Variants in SMURF2 observed in about 807,000 individuals in gnomAD.
The protein encoded by SMURF2 is E3 ubiquitin-protein ligase SMURF2.
SMURF2 carries 48 observed loss-of-function variants against 109.6 expected under a neutral mutation model. The ratio of observed to expected loss-of-function variants is 0.44; its 90% CI spans 0.35 to 0.56. The LOEUF is 0.56. SMURF2 is among the 20% of genes least tolerant of loss of function. The pLI, the probability that SMURF2 is intolerant of heterozygous loss-of-function variation, is 0.01. For missense variants in SMURF2, 575 were observed against 909.0 expected, an observed-to-expected ratio of 0.63 and a Z score of 4.72; for synonymous variants, 288 against 317.1, an observed-to-expected ratio of 0.91 and a Z score of 0.97.
intron 5 of SMURF2, among the ~76,000 whole-genome samples, chr17:64,588,423 TTATGA>T (rs1299945524): frequency 6.6e-6 from 1 of 151,978 alleles, no homozygotes; most frequent in Non-Finnish European, 1.5e-5. Context: ...AATTATTAAG[TTATGA>T]TATATCTATA....
chr17:64,578,393 T>G (rs1568181536), intron 9 of SMURF2, 99 bp downstream of exon 9: 1 of 778,650 alleles, frequency 1.3e-6, no homozygotes. Context: ...AACTTTTACA[T>G]AAACTATTTT....
intron 1 of SMURF2, among the ~76,000 whole-genome samples, chr17:64,652,569 C>A (rs552509547): frequency 3.9e-5 from 6 of 152,346 alleles, no homozygotes; most frequent in African/African-American, 1.4e-4. Flanking sequence ...CTCACTGCAA[C>A]CTCCACCTCC....
At chr17:64,572,572 A>G (rs1969412738) in intron 9 of SMURF2, among the ~76,000 whole-genome samples, 1 of 152,248 alleles carries the variant, frequency 6.6e-6, no homozygotes, top group Admixed American at 6.5e-5. Flanking sequence ...AAGAAAAGCT[A>G]AGATTTTTAA....
chr17:64,659,413 G>C (rs1439723877), intron 1 of SMURF2, among the ~76,000 whole-genome samples: 1 of 151,552 alleles, frequency 6.6e-6, no homozygotes, highest in South Asian at 2.1e-4. Context: ...CTTTTTTTAA[G>C]TGATTTTTTT....
chr17:64,645,412 G>A (rs1294126844), intron 1 of SMURF2, among the ~76,000 whole-genome samples: 5 of 152,172 alleles, frequency 3.3e-5, no homozygotes, highest in Non-Finnish European at 7.3e-5. Flanking sequence ...GGGGTATCAG[G>A]TACAGTGGTG....
At position 64,545,071 on chromosome 17, in the gene SMURF2, T is replaced by TC. The variant is rs1302346341; in HGVS notation, c.*776_*777insG. 6.6e-6 allele frequency: 1 copy of TC among 152,188 alleles called. No individual in the cohort carries two copies. Among genetic ancestry groups the TC allele is most frequent in the Non-Finnish European group, 1.5e-5 (1 of 68,012 alleles). The allele number at this position is 152,188 out of a possible 1,614,324, so 9.4% of individuals were successfully genotyped here. A position where few individuals can be genotyped will look rare whatever the true frequency, so the allele number is the denominator to read the frequency against. ...GACTCAAGATAAAAACATTAGGTTT[T>TC]TTTTTTTTTAAAAGAGTCTCTTAAA... On this transcript the variant is annotated 3_prime_UTR_variant, in exon 19 of 19. Coordinates refer to ENST00000262435, the MANE Select transcript of SMURF2 (RefSeq NM_022739.4).
chr17:64,590,511 C>CA (rs1458484236), intron 5 of SMURF2, among the ~76,000 whole-genome samples: 19 of 152,048 alleles, frequency 1.2e-4, no homozygotes, highest in African/African-American at 4.6e-4. Context: ...GCATCTTGAT[C>CA]AAATCTCTAT....
chr17:64,585,241 T>G (rs547948335), intron 6 of SMURF2, among the ~76,000 whole-genome samples: 1 of 152,214 alleles, frequency 6.6e-6, no homozygotes. Context: ...ATAAAAATCA[T>G]GACTTTAGAA....
intron 1 of SMURF2, among the ~76,000 whole-genome samples, chr17:64,652,484 G>A (rs571956371): frequency 1.3e-5 from 2 of 152,082 alleles, no homozygotes; most frequent in Admixed American, 1.3e-4. Context: ...ACTGTCAACT[G>A]ATTTGTTTGT....
At chr17:64,652,318 G>A (rs1163710592) in intron 1 of SMURF2, among the ~76,000 whole-genome samples, 1 of 152,066 alleles carries the variant, frequency 6.6e-6, no homozygotes, top group East Asian at 1.9e-4. Flanking sequence ...CCGCTCCAAA[G>A]CACTACAAGA....
At chr17:64,651,206 T>G (rs781799262) in intron 1 of SMURF2, among the ~76,000 whole-genome samples, 12 of 145,022 alleles carry the variant, frequency 8.3e-5, no homozygotes, top group Non-Finnish European at 1.5e-4. Context: ...GAAATATATA[T>G]ATTTTTGTGT....
rs369670858 is a variant in SMURF2, at chr17:64,619,448, C to T, written c.53-12808G>A. 7.8e-5 allele frequency among the ~76,000 whole-genome samples: 11 copies of T among 141,702 alleles called. No individual in the cohort carries two copies. In the East Asian group the frequency reaches 1.0e-3, roughly 13 times the overall value. 93.0% of individuals were successfully genotyped at this position (141,702 alleles called of 152,430 possible). A position where few individuals can be genotyped will look rare whatever the true frequency, so the allele number is the denominator to read the frequency against. On this transcript the variant is annotated intron_variant, in intron 1 of 18. Transcript: ENST00000262435. ...AGCCGAGATCATACCACTGCACTCC[C>T]GCCTGGGTGACACGGCGAGACTCTT...
intron 15 of SMURF2, among the ~76,000 whole-genome samples, chr17:64,552,999 C>T (rs1436532325): frequency 6.6e-6 from 1 of 152,180 alleles, no homozygotes; most frequent in African/African-American, 2.4e-5. Flanking sequence ...CCACTGCACC[C>T]AGCCTGTTCT....
At chr17:64,609,234 C>T (rs1446396321) in intron 1 of SMURF2, among the ~76,000 whole-genome samples, 1 of 152,150 alleles carries the variant, frequency 6.6e-6, no homozygotes, top group African/African-American at 2.4e-5. Flanking sequence ...CCCCATCAAG[C>T]TACCATTGAC....
At chr17:64,591,378 A>C (rs1555687707) in intron 4 of SMURF2, among the ~76,000 whole-genome samples, 2 of 152,198 alleles carry the variant, frequency 1.3e-5, no homozygotes, top group African/African-American at 4.8e-5. Flanking sequence ...TGTTGGTCTT[A>C]AGGAATTTAT....
At chr17:64,602,838 T>C (rs1170623500) in intron 2 of SMURF2, among the ~76,000 whole-genome samples, 7 of 152,028 alleles carry the variant, frequency 4.6e-5, no homozygotes, top group African/African-American at 1.7e-4. Context: ...AGAAGCAGAA[T>C]TGCTTGAACC....
rs1555686259 is a variant in SMURF2, at chr17:64,578,474, C to T, written c.857+18G>A. 1 of 1,571,152 alleles carries T rather than the reference C, an allele frequency of 6.4e-7. No individual in the cohort carries two copies. On this transcript the variant is annotated intron_variant, in intron 9 of 18. Transcript: ENST00000262435. ...TGGCTCTTTGATGGTCTAAAGAGTG[C>T]TTAAAATACGTTCTTACCTGGGCAC...
At position 64,547,595 on chromosome 17, in the gene SMURF2, G is replaced by C; in HGVS notation, c.2071+5C>G. The C allele has an allele frequency of 6.2e-7, 1 of 1,613,586 alleles. No homozygotes were observed. The highest frequency in any genetic ancestry group is 8.5e-7 in the Non-Finnish European group (1 of 1,179,862). On this transcript the variant is annotated splice_donor_5th_base_variant and intron_variant, in intron 17 of 18. Transcript: ENST00000262435. This position sits in a 1 kb window ranked among gnomAD's most constrained non-coding sequence, Gnocchi z 4.2. ...GCCCAGCTTGCCTGCACCTCAGGCT[G>C]TTACCTTGCAATGCTTTGAAGCCCT...
rs1312350056 is a variant in SMURF2, at chr17:64,591,164, C to T, written c.335-15G>A. 2 of 1,606,632 alleles carry T rather than the reference C, an allele frequency of 1.2e-6. No homozygotes were observed. Among genetic ancestry groups the T allele is most frequent in the Non-Finnish European group, 1.7e-6 (2 of 1,176,164 alleles). On this transcript the variant is annotated splice_polypyrimidine_tract_variant and intron_variant, in intron 4 of 18. Transcript: ENST00000262435. ...CAACCTCTGATCTATTTGAAGTCAA[C>T]AAAGAAAGCAACGAAAAAATTAGCT...
Sources: gnomAD v4.1 joint callset for allele counts (sites outside exome capture counted in the v4.1 genomes callset) on GRCh38, gnomAD v4.1.1 for gene constraint, Gnocchi (gnomAD v3.1) non-coding constraint, MANE v1.5 for transcripts, NCBI Gene and HGNC (gene_info 2026-07-23, HGNC 2026-07-21) for gene names.